Variants in CPEB1 observed in about 807,000 individuals in gnomAD.
CPEB1 encodes the protein cytoplasmic polyadenylation element-binding protein 1.
In CPEB1, 7 loss-of-function variants were observed where a neutral mutation model predicts 65.8. The ratio of observed to expected loss-of-function variants is 0.11; its 90% CI spans 0.06 to 0.20. The LOEUF (loss-of-function observed/expected upper bound fraction) is 0.20, where lower values mean the gene tolerates loss of function less well. CPEB1 is among the 10% of genes least tolerant of loss of function. CPEB1 has a pLI of 1.00. For missense variants in CPEB1, 551 were observed against 712.2 expected, an observed-to-expected ratio of 0.77 and a Z score of 2.58; for synonymous variants, 262 against 260.0, an observed-to-expected ratio of 1.01 and a Z score of -0.08.
chr15:82,647,617 A>C (rs1452427185), upstream of CPEB1: 10 of 333,000 alleles, frequency 3.0e-5, no homozygotes, highest in Non-Finnish European at 5.4e-5. Flanking sequence ...CCGCCCCCGC[A>C]GGGCTGCGGC....
intron 3 of CPEB1, among the ~76,000 whole-genome samples, chr15:82,581,088 C>CA (rs1567199003): frequency 6.6e-6 from 1 of 152,124 alleles, no homozygotes; most frequent in Non-Finnish European, 1.5e-5. Flanking sequence ...GTGATCCACC[C>CA]ACCTAGGCCT....
intron 12 of CPEB1, among the ~76,000 whole-genome samples, chr15:82,546,156 CTG>C: frequency 6.6e-6 from 1 of 152,126 alleles, no homozygotes. Flanking sequence ...CTGTCCCAGG[CTG>C]AAGTGCAGTG....
rs573816382 is a variant in CPEB1, at chr15:82,629,363, C to T, written c.-97-807G>A. 9 of 985,158 alleles carry T rather than the reference C, an allele frequency of 9.1e-6. No homozygotes were observed. In the South Asian group the frequency reaches 4.2e-4, roughly 46 times the overall value. 61.0% of individuals were successfully genotyped at this position (985,158 alleles called of 1,614,324 possible). On this transcript the variant is annotated intron_variant, in intron 1 of 12. Transcript: ENST00000684509. ...CACCCAAACTGATTAAGTTATACAA[C>T]TCTATGTGGTCATTATTAGTACATA...
At chr15:82,591,343 C>T (rs1369973659) in intron 3 of CPEB1, among the ~76,000 whole-genome samples, 1 of 152,194 alleles carries the variant, frequency 6.6e-6, no homozygotes, top group Non-Finnish European at 1.5e-5. Flanking sequence ...CTCACCGCAA[C>T]CTCTGCCTCC....
At chr15:82,568,383 G>A (rs954019235) in intron 4 of CPEB1, among the ~76,000 whole-genome samples, 6 of 152,102 alleles carry the variant, frequency 3.9e-5, no homozygotes, top group African/African-American at 1.4e-4. Flanking sequence ...CATGAGAAAG[G>A]GTAGCACTGG....
chr15:82,574,651 G>C (rs2040440197), intron 3 of CPEB1, among the ~76,000 whole-genome samples: 1 of 147,472 alleles, frequency 6.8e-6, no homozygotes. Flanking sequence ...AGCCCAGGAA[G>C]GGGAGAGGTT....
At chr15:82,569,171 G>A (rs971476449) in intron 4 of CPEB1, among the ~76,000 whole-genome samples, 1 of 152,204 alleles carries the variant, frequency 6.6e-6, no homozygotes, top group Non-Finnish European at 1.5e-5. Flanking sequence ...TGCTGGTGAG[G>A]GTGCACGATC....
intron 3 of CPEB1, among the ~76,000 whole-genome samples, chr15:82,584,258 C>CAAAAAAAAAAAAAAAAAAA (rs71156038): frequency 1.9e-5 from 1 of 53,290 alleles, no homozygotes; most frequent in African/African-American, 7.5e-5. Context: ...GACTCCGTCT[C>CAAAAAAAAAAAAAAAAAAA]AAAAAAAAAA....
chr15:82,578,780 ACC>A (rs1358971822), intron 3 of CPEB1, among the ~76,000 whole-genome samples: 4 of 152,042 alleles, frequency 2.6e-5, no homozygotes, highest in East Asian at 3.9e-4. Context: ...AACAAAAAAA[ACC>A]CCAAGTCATT....
intron 3 of CPEB1, among the ~76,000 whole-genome samples, chr15:82,613,292 G>A (rs1208727071): frequency 6.6e-6 from 1 of 152,154 alleles, no homozygotes; most frequent in East Asian, 1.9e-4. Flanking sequence ...TACATCTATA[G>A]AATAAAGGAG....
At chr15:82,579,773 G>A (rs1172059074) in intron 3 of CPEB1, among the ~76,000 whole-genome samples, 3 of 150,204 alleles carry the variant, frequency 2.0e-5, no homozygotes, top group Non-Finnish European at 4.5e-5. Context: ...TTAGCCGGGC[G>A]CAGTGGCGGG....
chr15:82,568,884 T>C (rs1472010679), intron 4 of CPEB1, among the ~76,000 whole-genome samples: 1 of 152,204 alleles, frequency 6.6e-6, no homozygotes, highest in Non-Finnish European at 1.5e-5. Context: ...ACAGCCCTAC[T>C]ATCTCCAACC....
intron 3 of CPEB1, among the ~76,000 whole-genome samples, chr15:82,581,105 G>C (rs1339946854): frequency 6.6e-6 from 1 of 152,078 alleles, no homozygotes; most frequent in Non-Finnish European, 1.5e-5. Context: ...GCCTCCCAAA[G>C]TGCTGGAATT....
intron 8 of CPEB1, 69 bp downstream of exon 8, chr15:82,553,398 G>A: frequency 4.3e-6 from 5 of 1,158,008 alleles, no homozygotes; most frequent in Non-Finnish European, 5.2e-6. Context: ...GCACCCCTAG[G>A]TGCAGTTATG....
intron 1 of CPEB1, among the ~76,000 whole-genome samples, chr15:82,632,142 C>T (rs1345754078): frequency 3.3e-5 from 5 of 151,778 alleles, no homozygotes; most frequent in South Asian, 2.1e-4. Flanking sequence ...CCACCACGCC[C>T]GGCTCATTTT....
intron 6 of CPEB1, among the ~76,000 whole-genome samples, chr15:82,554,355 A>G (rs1347176599): frequency 1.3e-5 from 2 of 152,276 alleles, no homozygotes; most frequent in Admixed American, 6.5e-5. Flanking sequence ...ACTTGAAAAT[A>G]AACATAGCAA....
At chr15:82,554,164 C>T (rs1567172240) in intron 6 of CPEB1, among the ~76,000 whole-genome samples, 173 bp from the exon 7 acceptor site, 1 of 152,196 alleles carries the variant, frequency 6.6e-6, no homozygotes, top group African/African-American at 2.4e-5. Context: ...TCTCACCAAT[C>T]CACTCAGTCA....
At chr15:82,605,345 T>G (rs994412206) in intron 3 of CPEB1, among the ~76,000 whole-genome samples, 2 of 152,006 alleles carry the variant, frequency 1.3e-5, no homozygotes, top group African/African-American at 4.8e-5. Context: ...AGAGAGTATA[T>G]TTTTGTCTTT....
intron 3 of CPEB1, among the ~76,000 whole-genome samples, chr15:82,624,040 G>T (rs1009777329): frequency 1.5e-4 from 23 of 152,120 alleles, no homozygotes; most frequent in African/African-American, 4.8e-4. Context: ...TTGATCAGAA[G>T]CTACAAGTTT....
Sources: gnomAD v4.1 joint callset for allele counts (sites outside exome capture counted in the v4.1 genomes callset) on GRCh38, gnomAD v4.1.1 for gene constraint, MANE v1.5 for transcripts, NCBI Gene and HGNC (gene_info 2026-07-23, HGNC 2026-07-21) for gene names.